Variants in RPTOR observed in about 807,000 individuals in gnomAD.
RPTOR encodes regulatory associated protein of MTOR complex 1.
RPTOR carries 21 observed loss-of-function variants against 169.9 expected under a neutral mutation model. The observed-to-expected ratio is 0.12, with a 90% CI of 0.09 to 0.18. The LOEUF (loss-of-function observed/expected upper bound fraction) is 0.18, where lower values mean the gene tolerates loss of function less well. RPTOR is among the 10% of genes least tolerant of loss of function. RPTOR has a pLI of 1.00. For synonymous variants in RPTOR, 732 were observed against 753.2 expected, an observed-to-expected ratio of 0.97 and a Z score of 0.46; for missense variants, 1,133 against 1,855.9, an observed-to-expected ratio of 0.61 and a Z score of 7.16.
At chr17:80,625,824 A>G in intron 2 of RPTOR, 31 bp downstream of exon 2, 1 of 1,504,858 alleles carries the variant, frequency 6.6e-7, no homozygotes, top group Non-Finnish European at 9.2e-7. Context: ...CGCTGCCACA[A>G]AGGCCGTCTG....
chr17:80,876,830 TC>T (rs1289581080), intron 13 of RPTOR, among the ~76,000 whole-genome samples: 5 of 109,670 alleles, frequency 4.6e-5, no homozygotes, highest in Admixed American at 8.9e-5. Flanking sequence ...TGCCGGGTCT[TC>T]CACCGAGCCC....
chr17:80,623,855 G>T (rs558328729), intron 1 of RPTOR, among the ~76,000 whole-genome samples: 2 of 152,072 alleles, frequency 1.3e-5, no homozygotes, highest in African/African-American at 4.8e-5. Context: ...TTTATGCTAG[G>T]AACATTCGAA....
chr17:80,844,688 CA>C lies in RPTOR; in HGVS notation c.1213-1784del, dbSNP rs1336462890. ...TCTCGGCTGACTTTTTAAGTCGGGC[CA>C]CGGGGCTCTGCCCGCCAGGCTCCTC... On this transcript the variant is annotated intron_variant, in intron 10 of 33. Coordinates refer to ENST00000306801, the MANE Select transcript of RPTOR (RefSeq NM_020761.3). The surrounding 1 kb of genome is among the most constrained non-coding windows in gnomAD (Gnocchi z 4.7). Among the ~76,000 whole-genome samples the C allele has an allele frequency of 6.6e-6, 1 of 152,180 alleles. No homozygotes were observed. The highest frequency in any genetic ancestry group is 1.5e-5 in the Non-Finnish European group (1 of 68,038).
intron 4 of RPTOR, among the ~76,000 whole-genome samples, chr17:80,718,615 A>G (rs1267927974): frequency 6.6e-6 from 1 of 152,228 alleles, no homozygotes; most frequent in Non-Finnish European, 1.5e-5. Context: ...TGAGTCTTAC[A>G]GAAGAGAACA....
rs184062542 is a variant in RPTOR, at chr17:80,872,737, C to T, written c.1510-7678C>T. ...TCGCCTGCACCCAGGCAGACTAGACCGAGCCCTGGCAGGGGTGACGGCTCG... is the reference window on the plus strand; with the variant it reads ...TCGCCTGCACCCAGGCAGACTAGACTGAGCCCTGGCAGGGGTGACGGCTCG... On this transcript the variant is annotated intron_variant, in intron 13 of 33. Coordinates refer to ENST00000306801, the MANE Select transcript of RPTOR (RefSeq NM_020761.3). 2.2e-4 allele frequency among the ~76,000 whole-genome samples: 33 copies of T among 152,340 alleles called. No individual in the cohort carries two copies. In the East Asian group the frequency reaches 6.0e-3, roughly 28 times the overall value.
chr17:80,597,155 G>C (rs1028792016), intron 1 of RPTOR, among the ~76,000 whole-genome samples: 5 of 152,228 alleles, frequency 3.3e-5, no homozygotes, highest in Non-Finnish European at 7.3e-5. Flanking sequence ...GAAGCTCGTA[G>C]TACCAAGCTC....
At chr17:80,602,646 T>C (rs2065198573) in intron 1 of RPTOR, 3 of 680,516 alleles carry the variant, frequency 4.4e-6, no homozygotes, top group Non-Finnish European at 8.2e-6. Flanking sequence ...ATCTTCATCC[T>C]CATTACATTT....
At position 80,841,949 on chromosome 17, in the gene RPTOR, A is replaced by ACTCACCGCACGGCAGCTCACT. The variant is rs1567943825; in HGVS notation, c.1212+3963_1212+3983dup. Reference sequence around the variant, plus strand: ...TCACACTCACCGCACGGCAGCTCACACTCACCGCACGGCAGCTCACTCTCA... The same window carrying ACTCACCGCACGGCAGCTCACT: ...TCACACTCACCGCACGGCAGCTCACACTCACCGCACGGCAGCTCACTCTCACCGCACGGCAGCTCACTCTCA... On this transcript the variant is annotated intron_variant, in intron 10 of 33. Transcript: ENST00000306801. Among the ~76,000 whole-genome samples the ACTCACCGCACGGCAGCTCACT allele has an allele frequency of 1.1e-3, 75 of 67,648 alleles. No homozygotes were observed. In the East Asian group the frequency reaches 0.026, roughly 23 times the overall value. 44.4% of individuals were successfully genotyped at this position (67,648 alleles called of 152,430 possible).
At chr17:80,623,581 G>T (rs547959382) in intron 1 of RPTOR, among the ~76,000 whole-genome samples, 201 of 151,992 alleles carry the variant, frequency 1.3e-3, no homozygotes, top group African/African-American at 4.6e-3. Context: ...TATTGCCCAG[G>T]TTGGAGTGCA....
chr17:80,617,172 G>A (rs940662139), intron 1 of RPTOR, among the ~76,000 whole-genome samples: 2 of 152,114 alleles, frequency 1.3e-5, no homozygotes, highest in African/African-American at 4.8e-5. Context: ...AATCATCCAC[G>A]TTCCTCTGAA....
Position 80,646,620 on chromosome 17 carries a change from G to A in RPTOR, c.348+2810G>A, listed in dbSNP as rs759756376. Among the ~76,000 whole-genome samples the A allele has an allele frequency of 2.0e-5, 3 of 152,160 alleles. No homozygotes were observed. Among genetic ancestry groups the A allele is most frequent in the Non-Finnish European group, 2.9e-5 (2 of 68,026 alleles). The stretch of plus-strand genomic sequence containing the variant: ...TTTGAAACATTGCAAGGCTAAACAC[G>A]CACCACTTGATTGCACTCTACAGGG... On this transcript the variant is annotated intron_variant, in intron 3 of 33. Coordinates refer to ENST00000306801, the MANE Select transcript of RPTOR (RefSeq NM_020761.3). The surrounding 1 kb of genome is among the most constrained non-coding windows in gnomAD (Gnocchi z 5.0).
intron 6 of RPTOR, among the ~76,000 whole-genome samples, chr17:80,787,673 G>C (rs936451880): frequency 1.3e-5 from 2 of 152,110 alleles, no homozygotes; most frequent in African/African-American, 2.4e-5. Flanking sequence ...ATCCTTTCTA[G>C]TTCTTGGCAT....
chr17:80,759,320 T>C (rs918522324), intron 6 of RPTOR, among the ~76,000 whole-genome samples: 1 of 152,194 alleles, frequency 6.6e-6, no homozygotes, highest in African/African-American at 2.4e-5. Context: ...GTCATCCCAG[T>C]AGCCCCTGAA....
intron 5 of RPTOR, among the ~76,000 whole-genome samples, chr17:80,753,147 C>A (rs560542178): frequency 6.6e-6 from 1 of 152,110 alleles, no homozygotes; most frequent in East Asian, 1.9e-4. Context: ...AGATAAAATC[C>A]CCCTAATCCC....
At chr17:80,673,570 C>A (rs1453055400) in intron 3 of RPTOR, among the ~76,000 whole-genome samples, 1 of 152,206 alleles carries the variant, frequency 6.6e-6, no homozygotes, top group Non-Finnish European at 1.5e-5. Flanking sequence ...TCTCAAAGAG[C>A]GGTTGCCGTG....
intron 3 of RPTOR, among the ~76,000 whole-genome samples, chr17:80,688,349 T>G (rs1333816285): frequency 6.6e-6 from 1 of 152,216 alleles, no homozygotes; most frequent in Non-Finnish European, 1.5e-5. Flanking sequence ...GTCACAAAAC[T>G]GGTATAAGCA....
At chr17:80,788,201 G>C (rs1037735579) in intron 6 of RPTOR, among the ~76,000 whole-genome samples, 1 of 152,210 alleles carries the variant, frequency 6.6e-6, no homozygotes, top group Admixed American at 6.5e-5. Flanking sequence ...AGCTGGGGGT[G>C]GTGGCTTACA....
intron 13 of RPTOR, among the ~76,000 whole-genome samples, chr17:80,875,483 G>GA (rs993150682): frequency 2.0e-5 from 3 of 151,992 alleles, no homozygotes; most frequent in Non-Finnish European, 4.4e-5. Flanking sequence ...GCTTGCTCAG[G>GA]AAAAAAAATG....
At chr17:80,954,183 C>T (rs896733135) in intron 28 of RPTOR, among the ~76,000 whole-genome samples, 9 of 152,232 alleles carry the variant, frequency 5.9e-5, no homozygotes, top group Middle Eastern at 6.8e-3. Flanking sequence ...CGTACAATGG[C>T]GGATCTTGGC....
Sources: gnomAD v4.1 joint callset for allele counts (sites outside exome capture counted in the v4.1 genomes callset) on GRCh38, gnomAD v4.1.1 for gene constraint, Gnocchi (gnomAD v3.1) non-coding constraint, MANE v1.5 for transcripts, NCBI Gene and HGNC (gene_info 2026-07-23, HGNC 2026-07-21) for gene names.